UTS2B: variants seen among roughly 807,000 people sequenced by gnomAD.
UTS2B encodes the protein urotensin 2B, also known as urotensin-2B.
Under a neutral mutation model 19.2 loss-of-function variants are expected in UTS2B, and 21 were observed. The observed-to-expected ratio is 1.09, with a 90% CI of 0.78 to 1.58. UTS2B has a LOEUF of 1.58. Ranked by LOEUF, UTS2B falls within the 40% of genes most tolerant of loss-of-function variation. UTS2B has a pLI of 0.00. For synonymous variants in UTS2B, 57 were observed against 50.2 expected (o/e 1.14, Z -0.58); for missense variants, 138 against 130.3 (o/e 1.06, Z -0.29).
At chr3:191,302,126 C>G (rs1224189054) in intron 4 of UTS2B, among the ~76,000 whole-genome samples, 1 of 152,170 alleles carries the variant, frequency 6.6e-6, no homozygotes, top group Non-Finnish European at 1.5e-5. Context: ...CAGGCCAAAA[C>G]CCACCAAATT....
At chr3:191,307,254 GACATT>G (rs776480285) in intron 3 of UTS2B, among the ~76,000 whole-genome samples, 1 of 152,022 alleles carries the variant, frequency 6.6e-6, no homozygotes, top group African/African-American at 2.4e-5. Context: ...TCCTTAGCTT[GACATT>G]AAAGATTCTC....
At chr3:191,339,655 G>C in the UTS2B span, among the ~76,000 whole-genome samples, 4 of 152,194 alleles carry the variant, frequency 2.6e-5, no homozygotes, top group Admixed American at 2.6e-4. Flanking sequence ...AATATGGAAA[G>C]TGTTGACTTT....
intron 4 of UTS2B, among the ~76,000 whole-genome samples, chr3:191,290,577 T>C (rs553098622): frequency 2.1e-4 from 32 of 152,256 alleles, no homozygotes; most frequent in African/African-American, 7.5e-4. Flanking sequence ...CATATCACAA[T>C]TGGGGAAACA....
chr3:191,318,201 G>C (rs543018498), intron 2 of UTS2B, among the ~76,000 whole-genome samples: 1 of 152,294 alleles, frequency 6.6e-6, no homozygotes, highest in South Asian at 2.1e-4. Flanking sequence ...CTCAGAGGTA[G>C]CTACTGTAAT....
intron 4 of UTS2B, among the ~76,000 whole-genome samples, chr3:191,285,017 G>T (rs1716496036): frequency 6.6e-6 from 1 of 152,160 alleles, no homozygotes; most frequent in African/African-American, 2.4e-5. Context: ...ACTGGTAGAA[G>T]TAAGTACACA....
At chr3:191,344,932 C>T in the UTS2B span, among the ~76,000 whole-genome samples, 1 of 152,316 alleles carries the variant, frequency 6.6e-6, no homozygotes, top group African/African-American at 2.4e-5. Context: ...GAGGAATGCA[C>T]ATCCTCAAAT....
At chr3:191,270,585 C>T (rs904744715) in intron 8 of UTS2B, among the ~76,000 whole-genome samples, 1 of 151,950 alleles carries the variant, frequency 6.6e-6, no homozygotes, top group African/African-American at 2.4e-5. Context: ...GCTGATATAC[C>T]AATTTTTTTT....
chr3:191,297,403 T>C (rs767247605), intron 4 of UTS2B, among the ~76,000 whole-genome samples: 3 of 152,188 alleles, frequency 2.0e-5, no homozygotes, highest in Non-Finnish European at 2.9e-5. Flanking sequence ...CAATTCCCCT[T>C]GTCTAGAAGA....
chr3:191,337,097 A>AG, the UTS2B span, among the ~76,000 whole-genome samples: 1 of 152,200 alleles, frequency 6.6e-6, no homozygotes, highest in Non-Finnish European at 1.5e-5. Context: ...CTGTAGAGGC[A>AG]GAGATGAGTA....
In UTS2B at chr3:191,275,628, C is replaced by T. The variant is rs148311316; in HGVS notation, c.241-283G>A. Among the ~76,000 whole-genome samples the T allele has an allele frequency of 5.0e-4, 76 of 151,218 alleles. No homozygotes were observed. The East Asian group carries it at 6.0e-3, about 12-fold the overall frequency. The stretch of plus-strand genomic sequence containing the variant: ...CCAGGAGGTGGAGACTGCAGTGAGC[C>T]GAGATTGCACCACTGTACTTCTGCC... On this transcript the variant is annotated intron_variant, in intron 7 of 8. Coordinates refer to ENST00000340524, the MANE Select transcript of UTS2B (RefSeq NM_198152.5).
chr3:191,308,832 TG>T (rs1717212905), intron 3 of UTS2B, among the ~76,000 whole-genome samples: 1 of 151,874 alleles, frequency 6.6e-6, no homozygotes, highest in Non-Finnish European at 1.5e-5. Context: ...TGAGGATACT[TG>T]CTACCTCTTA....
upstream of UTS2B, among the ~76,000 whole-genome samples, chr3:191,331,780 A>G (rs1298962146): frequency 6.6e-6 from 1 of 152,094 alleles, no homozygotes; most frequent in Non-Finnish European, 1.5e-5. Flanking sequence ...TGGCCCAGTT[A>G]CTCCCTAACA....
At chr3:191,282,409 T>C (rs1421042541) in intron 4 of UTS2B, 96 bp from the exon 5 acceptor site, 15 of 452,822 alleles carry the variant, frequency 3.3e-5, no homozygotes, top group Non-Finnish European at 5.9e-5. Context: ...GTGACAGATT[T>C]GTTATGGAGT....
chr3:191,295,498 TC>T (rs2108588644), intron 4 of UTS2B, among the ~76,000 whole-genome samples: 1 of 152,126 alleles, frequency 6.6e-6, no homozygotes, highest in South Asian at 2.1e-4. Flanking sequence ...TTCTAGATTT[TC>T]TTTTATTATC....
At chr3:191,322,829 T>G (rs1218947429) in intron 2 of UTS2B, among the ~76,000 whole-genome samples, 1 of 152,194 alleles carries the variant, frequency 6.6e-6, no homozygotes, top group East Asian at 1.9e-4. Context: ...CTAACATACT[T>G]TCAGGACAGT....
chr3:191,286,927 A>C (rs368997175), intron 4 of UTS2B, among the ~76,000 whole-genome samples: 8 of 152,236 alleles, frequency 5.3e-5, no homozygotes, highest in African/African-American at 1.4e-4. Flanking sequence ...TAATAGAAAA[A>C]AAAAATTGAT....
chr3:191,280,061 A>G (rs1716343249), intron 5 of UTS2B, among the ~76,000 whole-genome samples: 1 of 152,128 alleles, frequency 6.6e-6, no homozygotes, highest in African/African-American at 2.4e-5. Context: ...TTTTGCAAAT[A>G]TTACACAGAA....
At chr3:191,303,183 T>C (rs1022118909) in intron 4 of UTS2B, among the ~76,000 whole-genome samples, 9 of 152,176 alleles carry the variant, frequency 5.9e-5, no homozygotes, top group African/African-American at 2.2e-4. Context: ...TAGCTGAGGA[T>C]ACTGTATAAA....
At chr3:191,327,800 T>G (rs1717787737) in intron 2 of UTS2B, among the ~76,000 whole-genome samples, 1 of 152,148 alleles carries the variant, frequency 6.6e-6, no homozygotes, top group African/African-American at 2.4e-5. Context: ...ACTGCTGTTA[T>G]AAATATTCTC....
Sources: gnomAD v4.1 joint callset for allele counts (sites outside exome capture counted in the v4.1 genomes callset) on GRCh38, gnomAD v4.1.1 for gene constraint, MANE v1.5 for transcripts, NCBI Gene and HGNC (gene_info 2026-07-23, HGNC 2026-07-21) for gene names.